ZNF16: variants seen among roughly 807,000 people sequenced by gnomAD.
The protein encoded by ZNF16 is zinc finger protein KOX9.
ZNF16 carries 7 observed loss-of-function variants against 9.0 expected under a neutral mutation model. The observed-to-expected ratio is 0.78, with a 90% confidence interval of 0.44 to 1.47. ZNF16 has a LOEUF of 1.47. ZNF16 is among the 40% of genes most tolerant of loss of function. ZNF16 has a pLI of 0.01. For synonymous variants in ZNF16, 312 were observed against 301.5 expected (o/e 1.03, Z -0.36); for missense variants, 830 against 854.2 (o/e 0.97, Z 0.35).
chr8:144,934,269 G>C (rs2130005990), intron 2 of ZNF16, among the ~76,000 whole-genome samples: 2 of 152,338 alleles, frequency 1.3e-5, no homozygotes, highest in South Asian at 4.1e-4. Context: ...GACACATCGT[G>C]CTGTGCCACT....
At chr8:144,936,442 T>C (rs1017090762) in intron 2 of ZNF16, among the ~76,000 whole-genome samples, 1 of 152,228 alleles carries the variant, frequency 6.6e-6, no homozygotes, top group Non-Finnish European at 1.5e-5. Flanking sequence ...AGTAGTACTA[T>C]GTTCAAACTT....
chr8:144,932,564 C>T lies in ZNF16; in HGVS notation c.223G>A (p.Glu75Lys). The part of the protein sequence containing the change: ...PDCDTRTEDK[E>K]FLHKEDIHED... Reference sequence around the variant, plus strand: ...TGAATGTCTTCCTTGTGAAGAAACTCCTTGTCTTCAGTCCTGGTGTCACAA... The same window carrying T: ...TGAATGTCTTCCTTGTGAAGAAACTTCTTGTCTTCAGTCCTGGTGTCACAA... Residue 75 changes from glutamate (E) to lysine (K), a missense_variant, in exon 3 of 3, where the codon GAG becomes AAG. Physicochemically the swap from Glu to Lys is moderately conservative, Grantham distance 56. Coordinates refer to ENST00000394909, the MANE Select transcript of ZNF16 (RefSeq NM_006958.3). This position sits in a 1 kb window ranked among gnomAD's most constrained non-coding sequence, Gnocchi z 5.0. The T allele has an allele frequency of 6.2e-7, 1 of 1,613,906 alleles. No individual in the cohort carries two copies. Among genetic ancestry groups the T allele is most frequent in the Non-Finnish European group, 8.5e-7 (1 of 1,179,878 alleles).
Position 144,932,309 on chromosome 8 carries a change from T to G in ZNF16, c.478A>C (p.Ser160Arg), listed in dbSNP as rs769687906. The change falls in exon 3 of 3, where the codon AGT becomes CGT. Residue 160 changes from serine (S) to arginine (R), a missense_variant. Transcript: ENST00000394909. This position sits in a 1 kb window ranked among gnomAD's most constrained non-coding sequence, Gnocchi z 5.0. ...EKDLDCNGFD[S>R]RFSLSPNLMA... Reference sequence around the variant, plus strand: ...AGGTTTGGGCTCAGACTGAAGCGACTGTCAAAACCATTACAGTCCAGATCT... The same window carrying G: ...AGGTTTGGGCTCAGACTGAAGCGACGGTCAAAACCATTACAGTCCAGATCT... 8.1e-6 allele frequency: 13 copies of G among 1,614,070 alleles called. No individual in the cohort carries two copies. The highest frequency in any genetic ancestry group is 9.3e-6 in the Non-Finnish European group (11 of 1,180,042).
chr8:144,942,144 ATT>A (rs1398230468), intron 2 of ZNF16, among the ~76,000 whole-genome samples: 4 of 145,366 alleles, frequency 2.8e-5, no homozygotes, highest in African/African-American at 5.1e-5. Context: ...TGCCTGGCTA[ATT>A]TTTTTGTATT....
At chr8:144,938,289 T>G (rs1833729656) in intron 2 of ZNF16, among the ~76,000 whole-genome samples, 1 of 152,242 alleles carries the variant, frequency 6.6e-6, no homozygotes, top group Non-Finnish European at 1.5e-5. Flanking sequence ...CGTCTTTTGT[T>G]TCTGCAAAAA....
At chr8:144,938,390 C>G (rs60182711) in intron 2 of ZNF16, among the ~76,000 whole-genome samples, 1,740 of 152,354 alleles carry the variant, frequency 0.011, 38 homozygotes, top group African/African-American at 0.04. Flanking sequence ...AATTCATGAA[C>G]ACATGATGCC....
At position 144,930,920 on chromosome 8, in the gene ZNF16, G is replaced by A; in HGVS notation, c.1867C>T (p.His623Tyr). The A allele has an allele frequency of 1.2e-6, 2 of 1,612,996 alleles. No homozygotes were observed. The highest frequency in any genetic ancestry group is 1.7e-6 in the Non-Finnish European group (2 of 1,179,394). The change falls in exon 3 of 3, where the codon CAC becomes TAC. Residue 623 changes from histidine (H) to tyrosine (Y), a missense_variant. Coordinates refer to ENST00000394909, the MANE Select transcript of ZNF16 (RefSeq NM_006958.3). ...CATTTGTAGGGGCGCTCGCCCGTGT[G>A]GATTATCTGATGCTGAATGAGGTGT... ...SSHLIQHQII[H>Y]TGERPYKCSE...
intron 2 of ZNF16, among the ~76,000 whole-genome samples, chr8:144,942,711 C>A (rs987638261): frequency 6.6e-6 from 1 of 152,088 alleles, no homozygotes; most frequent in African/African-American, 2.4e-5. Flanking sequence ...CAGATGTTAC[C>A]CCCCTTATGT....
At chr8:144,941,865 G>A (rs11986065) in intron 2 of ZNF16, among the ~76,000 whole-genome samples, 61,626 of 150,636 alleles carry the variant, frequency 0.41, 15,992 homozygotes, top group African/African-American at 0.75. Context: ...TCACTGTGTT[G>A]GCCAGGATGG....
intron 1 of ZNF16, among the ~76,000 whole-genome samples, chr8:144,946,929 C>T (rs1833963476): frequency 8.5e-6 from 1 of 117,684 alleles, no homozygotes; most frequent in African/African-American, 4.0e-5. Context: ...GGGCCATACC[C>T]TTCTGTGGGC....
rs779879072 is a variant in ZNF16, at chr8:144,932,666, C to T, written c.197-76G>A. On this transcript the variant is annotated intron_variant, in intron 2 of 2. Coordinates refer to ENST00000394909, the MANE Select transcript of ZNF16 (RefSeq NM_006958.3). The surrounding 1 kb of genome is among the most constrained non-coding windows in gnomAD (Gnocchi z 5.0). ...AGGAACATAGACAGTCACAGTTGCA[C>T]CCACTAACTGTGGAGGAGGCAAGGG... The T allele has an allele frequency of 2.3e-4, 348 of 1,485,888 alleles. No individual in the cohort carries two copies. The highest frequency in any genetic ancestry group is 8.2e-4 in the Admixed American group (44 of 53,912). 92.0% of individuals were successfully genotyped at this position (1,485,888 alleles called of 1,614,324 possible).
intron 2 of ZNF16, among the ~76,000 whole-genome samples, chr8:144,935,854 C>T (rs913667889): frequency 1.3e-5 from 2 of 152,218 alleles, no homozygotes; most frequent in Admixed American, 6.5e-5. Flanking sequence ...ACCCCAGAGG[C>T]ATCTCACACT....
chr8:144,942,939 G>A (rs1025906152), intron 2 of ZNF16, among the ~76,000 whole-genome samples: 3 of 152,130 alleles, frequency 2.0e-5, no homozygotes, highest in African/African-American at 7.2e-5. Flanking sequence ...TTTACTGGAG[G>A]TCTTTATTTT....
chr8:144,950,223 A>C (rs1834073613), intron 1 of ZNF16, among the ~76,000 whole-genome samples: 1 of 151,970 alleles, frequency 6.6e-6, no homozygotes, highest in South Asian at 2.1e-4. Flanking sequence ...CCCTATTATC[A>C]CCCTGCTCTC....
intron 2 of ZNF16, among the ~76,000 whole-genome samples, chr8:144,937,141 CTCTTTTTTTT>C (rs1833703652): frequency 1.1e-5 from 1 of 93,010 alleles, no homozygotes; most frequent in African/African-American, 3.6e-5. Flanking sequence ...TTCTTTCTCT[CTCTTTTTTTT>C]TTTTTTTTTT....
chr8:144,931,709 G>C lies in ZNF16; in HGVS notation c.1078C>G (p.Arg360Gly). The stretch of plus-strand genomic sequence containing the variant: ...TGGTGTTTGATGAGGTTTGAGCTTC[G>C]CCTGAAGGCCTTCCCACACTCACTG... Reference protein sequence around the residue: ...VCSECGKAFRRSSNLIKHHRT... With the variant: ...VCSECGKAFRGSSNLIKHHRT... The change falls in exon 3 of 3, where the codon CGA (arginine) becomes GGA (glycine). Residue 360 changes from arginine (R) to glycine (G), a missense_variant. By Grantham distance (125) the Arg-to-Gly change is moderately radical. Coordinates refer to ENST00000394909, the MANE Select transcript of ZNF16 (RefSeq NM_006958.3). 5.6e-6 allele frequency: 9 copies of C among 1,613,866 alleles called. No individual in the cohort carries two copies. The highest frequency in any genetic ancestry group is 7.6e-6 in the Non-Finnish European group (9 of 1,179,848).
intron 2 of ZNF16, among the ~76,000 whole-genome samples, chr8:144,934,912 C>T (rs1298040378): frequency 1.3e-5 from 2 of 152,074 alleles, no homozygotes; most frequent in Non-Finnish European, 2.9e-5. Context: ...AAAAACCAGC[C>T]CACTAGCTGG....
Position 144,931,530 on chromosome 8 carries a change from G to T in ZNF16, c.1257C>A (p.Asn419Lys). ...TGTGAACCCTGTGGTGCTTAATGAG[G>T]TTGGAGACCCGACTGAAGGGCTTGC... ...DCGKPFSRVS[N>K]LIKHHRVHTG... The change falls in exon 3 of 3, where the codon AAC (asparagine) becomes AAA (lysine). Residue 419 changes from asparagine (N) to lysine (K), a missense_variant. Asn to Lys is a moderately conservative substitution (Grantham distance 94). Coordinates refer to ENST00000394909, the MANE Select transcript of ZNF16 (RefSeq NM_006958.3). The T allele has an allele frequency of 6.2e-7, 1 of 1,614,012 alleles. No homozygotes were observed. Among genetic ancestry groups the T allele is most frequent in the Non-Finnish European group, 8.5e-7 (1 of 1,179,984 alleles).
At chr8:144,938,929 CTT>C (rs35523139) in intron 2 of ZNF16, among the ~76,000 whole-genome samples, 22 of 147,560 alleles carry the variant, frequency 1.5e-4, no homozygotes, top group Middle Eastern at 3.5e-3. Context: ...TTTATGAATG[CTT>C]TTTTTTTTTA....
Sources: allele counts gnomAD v4.1 joint callset (sites outside exome capture counted in the v4.1 genomes callset), GRCh38; gene constraint gnomAD v4.1.1; non-coding constraint Gnocchi (gnomAD v3.1); transcripts MANE v1.5; gene names NCBI Gene and HGNC (gene_info 2026-07-23, HGNC 2026-07-21).